The following HHAT variants were observed in gnomAD, a reference collection of about 807,000 sequenced individuals.
The protein encoded by HHAT is hedgehog acyltransferase, also known as protein-cysteine N-palmitoyltransferase HHAT.
In HHAT, 47 loss-of-function variants were observed where a neutral mutation model predicts 70.8. The observed-to-expected ratio is 0.66, with a 90% CI of 0.53 to 0.85. HHAT has a LOEUF of 0.85. Ranked by LOEUF, HHAT falls within the 40% of genes least tolerant of loss-of-function variation. The probability of loss-of-function intolerance (pLI) is 0.00; values close to 1 mark genes in which losing one functional copy is unlikely to be tolerated. For missense variants in HHAT, 609 were observed against 604.8 expected, an observed-to-expected ratio of 1.01 and a Z score of -0.07; for synonymous variants, 228 against 247.6, an observed-to-expected ratio of 0.92 and a Z score of 0.74.
At chr1:210,411,084 G>A (rs1057117787) in intron 6 of HHAT, among the ~76,000 whole-genome samples, 2 of 152,214 alleles carry the variant, frequency 1.3e-5, no homozygotes, top group Non-Finnish European at 2.9e-5. Context: ...CATGTTTGAG[G>A]AGGGAAAGGA....
chr1:210,357,587 C>T (rs933761893), intron 2 of HHAT, among the ~76,000 whole-genome samples: 8 of 152,100 alleles, frequency 5.3e-5, no homozygotes, highest in Non-Finnish European at 8.8e-5. Context: ...TTTGGGAGGC[C>T]GAGGCGGGTG....
At chr1:210,634,842 C>T (rs1027545575) in intron 11 of HHAT, among the ~76,000 whole-genome samples, 3 of 152,098 alleles carry the variant, frequency 2.0e-5, no homozygotes, top group African/African-American at 7.2e-5. Flanking sequence ...CTAAGAAAAG[C>T]AAAAGTACAT....
At chr1:210,635,422 A>G (rs1406483241) in intron 11 of HHAT, among the ~76,000 whole-genome samples, 2 of 152,106 alleles carry the variant, frequency 1.3e-5, no homozygotes. Context: ...AACTACAAGG[A>G]TTTTTGCAAG....
chr1:210,409,183 C>T (rs927857237), intron 6 of HHAT, among the ~76,000 whole-genome samples: 1 of 152,164 alleles, frequency 6.6e-6, no homozygotes, highest in Non-Finnish European at 1.5e-5. Flanking sequence ...CTTGTTTAAT[C>T]CTCACAACCT....
intron 9 of HHAT, among the ~76,000 whole-genome samples, chr1:210,566,122 T>C (rs1320000277): frequency 6.6e-6 from 1 of 152,194 alleles, no homozygotes; most frequent in East Asian, 1.9e-4. Context: ...CAATGTTGGT[T>C]TAGGTTCACA....
chr1:210,601,286 C>T (rs147169255), intron 10 of HHAT, among the ~76,000 whole-genome samples: 20 of 151,900 alleles, frequency 1.3e-4, no homozygotes, highest in South Asian at 1.0e-3. Flanking sequence ...CCTAACTCAC[C>T]GCTTGGCAAG....
intron 1 of HHAT, among the ~76,000 whole-genome samples, 197 bp from the exon 2 acceptor site, chr1:210,348,736 C>CGTGTGTGTGTGTGT (rs71303046): frequency 5.9e-3 from 867 of 148,026 alleles, no homozygotes; most frequent in African/African-American, 8.2e-3. Flanking sequence ...TGTATGTGTG[C>CGTGTGTGTGTGTGT]GTGTGTGTGT....
At chr1:210,564,400 G>GAAAACAGAGA (rs2095651037) in intron 9 of HHAT, among the ~76,000 whole-genome samples, 1 of 152,156 alleles carries the variant, frequency 6.6e-6, no homozygotes, top group South Asian at 2.1e-4. Context: ...GAGGAGCAGT[G>GAAAACAGAGA]GCTCTAAAGA....
rs561963474 is a variant in HHAT, at chr1:210,616,764, G to A, written c.1246-6762G>A. 3.0e-4 allele frequency among the ~76,000 whole-genome samples: 46 copies of A among 152,246 alleles called. 1 individual carries two copies. The highest frequency in any genetic ancestry group is 2.3e-3 in the South Asian group (11 of 4,816). Reference sequence around the variant, plus strand: ...TGTGAATTCTTGCACTGCACTTATCGGTATATAATTCAGGTAAGTTACTTA... The same window carrying A: ...TGTGAATTCTTGCACTGCACTTATCAGTATATAATTCAGGTAAGTTACTTA... On this transcript the variant is annotated intron_variant, in intron 10 of 11. Coordinates refer to ENST00000261458, the MANE Select transcript of HHAT (RefSeq NM_018194.6).
chr1:210,458,646 T>A (rs1055462734), intron 7 of HHAT, among the ~76,000 whole-genome samples: 1 of 151,732 alleles, frequency 6.6e-6, no homozygotes, highest in Admixed American at 6.6e-5. Flanking sequence ...AAAGAGAAAG[T>A]GAAGGGAATA....
chr1:210,516,075 AAAAAG>A (rs200910490), intron 9 of HHAT, among the ~76,000 whole-genome samples: 11,358 of 85,192 alleles, frequency 0.13, 558 homozygotes, highest in Non-Finnish European at 0.19. Context: ...GTCTCAAAAG[AAAAAG>A]AAAAAAAAAG....
At chr1:210,401,713 G>C (rs1266905544) in intron 5 of HHAT, among the ~76,000 whole-genome samples, 1 of 152,126 alleles carries the variant, frequency 6.6e-6, no homozygotes, top group African/African-American at 2.4e-5. Flanking sequence ...TACTTTATGA[G>C]TGCACATCAG....
At chr1:210,344,690 A>G (rs1254563453) in intron 1 of HHAT, among the ~76,000 whole-genome samples, 3 of 152,168 alleles carry the variant, frequency 2.0e-5, no homozygotes, top group Admixed American at 2.0e-4. Flanking sequence ...CTTTGGGGCC[A>G]CTGTTATCTG....
chr1:210,329,749 T>G (rs2084822098), intron 1 of HHAT, among the ~76,000 whole-genome samples: 1 of 152,098 alleles, frequency 6.6e-6, no homozygotes, highest in Non-Finnish European at 1.5e-5. Context: ...CTGTTTTTGT[T>G]GTTGTTTGTG....
At chr1:210,344,849 G>C (rs566680551) in intron 1 of HHAT, among the ~76,000 whole-genome samples, 62 of 151,880 alleles carry the variant, frequency 4.1e-4, no homozygotes, top group African/African-American at 1.5e-3. Flanking sequence ...AGCCCCAGAT[G>C]TTGCCAGCCC....
intron 3 of HHAT, among the ~76,000 whole-genome samples, chr1:210,383,253 T>G (rs1022053643): frequency 6.6e-6 from 1 of 152,110 alleles, no homozygotes; most frequent in Non-Finnish European, 1.5e-5. Context: ...GGCACGAGAA[T>G]CACTTGAGCC....
At position 210,448,021 on chromosome 1, in the gene HHAT, A is replaced by G. The variant is rs557744089; in HGVS notation, c.857-16484A>G. 1.1e-3 allele frequency among the ~76,000 whole-genome samples: 171 copies of G among 151,768 alleles called. 1 individual carries two copies. Among genetic ancestry groups the G allele is most frequent in the Non-Finnish European group, 2.1e-3 (145 of 67,996 alleles). On this transcript the variant is annotated intron_variant, in intron 7 of 11. Transcript: ENST00000261458. Reference sequence around the variant, plus strand: ...CGATCAGGGACTCCCACTCGGTAGCATAACTTTCCATCTGCAATGTGGTGA... The same window carrying G: ...CGATCAGGGACTCCCACTCGGTAGCGTAACTTTCCATCTGCAATGTGGTGA...
At chr1:210,533,483 T>G (rs2148640533) in intron 9 of HHAT, among the ~76,000 whole-genome samples, 1 of 152,314 alleles carries the variant, frequency 6.6e-6, no homozygotes, top group South Asian at 2.1e-4. Flanking sequence ...CAGATGCTGC[T>G]CTTGGGCTTA....
chr1:210,334,494 G>A, intron 1 of HHAT, among the ~76,000 whole-genome samples: 1 of 151,910 alleles, frequency 6.6e-6, no homozygotes, highest in Non-Finnish European at 1.5e-5. Flanking sequence ...TTCTCCTTCA[G>A]TTAGTTTTCC....
Sources: gnomAD v4.1 joint callset for allele counts (sites outside exome capture counted in the v4.1 genomes callset) on GRCh38, gnomAD v4.1.1 for gene constraint, MANE v1.5 for transcripts, NCBI Gene and HGNC (gene_info 2026-07-23, HGNC 2026-07-21) for gene names.